Variants in TESPA1 observed in about 807,000 individuals in gnomAD.
TESPA1 encodes the protein thymocyte expressed, positive selection associated 1.
Under a neutral mutation model 57.9 loss-of-function variants are expected in TESPA1, and 33 were observed. That is an observed-to-expected ratio of 0.57 (90% CI 0.43 to 0.76). The LOEUF is 0.76. Ranked by LOEUF, TESPA1 falls within the 30% of genes least tolerant of loss-of-function variation. The pLI is 0.00. For synonymous variants in TESPA1, 227 were observed against 228.9 expected, an observed-to-expected ratio of 0.99 and a Z score of 0.07; for missense variants, 618 against 632.9, an observed-to-expected ratio of 0.98 and a Z score of 0.25.
chr12:54,969,520 G>A (rs1275831144), intron 3 of TESPA1, among the ~76,000 whole-genome samples: 4 of 152,020 alleles, frequency 2.6e-5, no homozygotes, highest in African/African-American at 9.7e-5. Flanking sequence ...TGCCTGCATA[G>A]GTTCCCCCAA....
chr12:54,974,542 G>A lies in TESPA1; in HGVS notation c.21C>T (p.Ser7=), dbSNP rs763115645. 1 of 1,596,160 alleles carries A rather than the reference G, an allele frequency of 6.3e-7. No individual in the cohort carries two copies. The change falls in exon 2 of 11, where the codon AGC becomes AGT. Residue 7 remains serine (S), a synonymous_variant. Transcript: ENST00000449076. ...CCCGCCGTTTCTCCCAGGATGTGGG[G>A]CTCAGCACAGAGGCCTCCATGGCCC... MEASVL[S]PTSWEKRRAW...
At chr12:54,954,679 C>G (rs1950623179) in intron 10 of TESPA1, among the ~76,000 whole-genome samples, 1 of 152,206 alleles carries the variant, frequency 6.6e-6, no homozygotes, top group Non-Finnish European at 1.5e-5. Context: ...TACTGTATAG[C>G]ATTTTCAGAA....
intron 7 of TESPA1, 146 bp from the exon 8 acceptor site, chr12:54,964,096 T>C (rs1951267290): frequency 1.2e-6 from 1 of 823,618 alleles, no homozygotes; most frequent in South Asian, 1.9e-5. Flanking sequence ...GAGAAAAGCT[T>C]TCACTTCTCT....
chr12:54,961,104 A>T, intron 10 of TESPA1, 64 bp downstream of exon 10: 1 of 1,575,968 alleles, frequency 6.3e-7, no homozygotes, highest in Non-Finnish European at 8.7e-7. Context: ...AAAAAAAAAA[A>T]CCTTCCTCAT....
intron 3 of TESPA1, among the ~76,000 whole-genome samples, chr12:54,973,272 T>C (rs1378777381): frequency 1.3e-5 from 2 of 152,206 alleles, no homozygotes; most frequent in Admixed American, 1.3e-4. Flanking sequence ...AATTTAGTCT[T>C]AGCCCCAAGT....
Position 54,954,284 on chromosome 12 carries a change from CT to C in TESPA1, c.*2-3895del, listed in dbSNP as rs1950599868. Among the ~76,000 whole-genome samples the C allele has an allele frequency of 3.3e-5, 5 of 152,314 alleles. No individual in the cohort carries two copies. The South Asian group carries it at 1.0e-3, about 32-fold the overall frequency. On this transcript the variant is annotated intron_variant, in intron 10 of 10. Transcript: ENST00000449076. ...ACTAGTTGCATGATCTTGCTAAGTC[CT>C]TTTCTTGAGCCCATTCAAGTATAAA...
At position 54,962,627 on chromosome 12, in the gene TESPA1, T is replaced by TG. The variant is rs778703110; in HGVS notation, c.1270dup (p.His424ProfsTer6). On this transcript the variant is annotated frameshift_variant, in exon 9 of 11. Transcript: ENST00000449076. LOFTEE classifies it high-confidence loss of function. ...CCAGAAAGTCTCATCCTTGGCTGGA[T>TG]GGGTTTCCGTATTGGTGGCTGGTAG... is the stretch of plus-strand genomic sequence containing the variant. 6.2e-7 allele frequency: 1 copy of TG among 1,613,964 alleles called. No homozygotes were observed.
intron 10 of TESPA1, among the ~76,000 whole-genome samples, chr12:54,953,273 T>C (rs778363576): frequency 1.1e-4 from 17 of 152,108 alleles, no homozygotes; most frequent in Non-Finnish European, 1.8e-4. Flanking sequence ...ATAACTTCCT[T>C]TCTATTTATC....
At chr12:54,969,429 G>A (rs7968860) in intron 3 of TESPA1, among the ~76,000 whole-genome samples, 55,117 of 151,556 alleles carry the variant, frequency 0.36, 12,871 homozygotes, top group East Asian at 0.92. Flanking sequence ...CTGCACAGTA[G>A]TGCCACTACT....
intron 10 of TESPA1, among the ~76,000 whole-genome samples, chr12:54,957,337 A>G (rs1052931813): frequency 6.6e-6 from 1 of 152,174 alleles, no homozygotes; most frequent in Non-Finnish European, 1.5e-5. Context: ...ACGACATTAT[A>G]ATGGAAGATC....
intron 1 of TESPA1, among the ~76,000 whole-genome samples, chr12:54,978,229 T>C (rs1430843506): frequency 6.6e-6 from 1 of 152,130 alleles, no homozygotes; most frequent in African/African-American, 2.4e-5. Context: ...GATAATACAA[T>C]GGAGTTTGGT....
chr12:54,956,769 C>A (rs1565825426), intron 10 of TESPA1, among the ~76,000 whole-genome samples: 1 of 152,152 alleles, frequency 6.6e-6, no homozygotes, highest in Non-Finnish European at 1.5e-5. Context: ...TGGAGGCTGG[C>A]AAATCCAAGG....
intron 1 of TESPA1, among the ~76,000 whole-genome samples, chr12:54,979,191 A>G (rs1372506326): frequency 7.0e-6 from 1 of 143,342 alleles, no homozygotes; most frequent in Non-Finnish European, 1.5e-5. Flanking sequence ...AGCTTGAACT[A>G]CCAAATTCTC....
intron 10 of TESPA1, among the ~76,000 whole-genome samples, chr12:54,951,849 GT>G (rs199792981): frequency 0.033 from 4,553 of 139,782 alleles, 196 homozygotes; most frequent in East Asian, 0.17. Context: ...TTTCTAAGTT[GT>G]TTTTTTTTTT....
At chr12:54,953,012 G>T (rs183694777) in intron 10 of TESPA1, among the ~76,000 whole-genome samples, 127 of 151,588 alleles carry the variant, frequency 8.4e-4, no homozygotes, top group African/African-American at 3.0e-3. Context: ...AATCTCACTC[G>T]TCCTCCCCTC....
intron 1 of TESPA1, among the ~76,000 whole-genome samples, chr12:54,983,180 C>G (rs1363372984): frequency 6.6e-6 from 1 of 152,186 alleles, no homozygotes; most frequent in African/African-American, 2.4e-5. Flanking sequence ...TTCATGTTCA[C>G]TACATAATGC....
At chr12:54,958,808 A>G (rs1950893188) in intron 10 of TESPA1, among the ~76,000 whole-genome samples, 1 of 152,138 alleles carries the variant, frequency 6.6e-6, no homozygotes, top group African/African-American at 2.4e-5. Flanking sequence ...CAATAAGCCC[A>G]TCAAAGGCAT....
chr12:54,960,174 T>C (rs1950986008), intron 10 of TESPA1, among the ~76,000 whole-genome samples: 1 of 152,232 alleles, frequency 6.6e-6, no homozygotes, highest in Non-Finnish European at 1.5e-5. Context: ...TAATTTATAC[T>C]ATCTGGGGAA....
intron 1 of TESPA1, among the ~76,000 whole-genome samples, chr12:54,981,518 T>C (rs1022207781): frequency 2.8e-4 from 42 of 151,800 alleles, no homozygotes; most frequent in African/African-American, 1.0e-3. Context: ...CATGTATACA[T>C]ATGTAACAAA....
Sources: allele counts gnomAD v4.1 joint callset (sites outside exome capture counted in the v4.1 genomes callset), GRCh38; gene constraint gnomAD v4.1.1; transcripts MANE v1.5; gene names NCBI Gene and HGNC (gene_info 2026-07-23, HGNC 2026-07-21).